Variants in SH3BP5 observed in about 807,000 individuals in gnomAD.
SH3BP5 encodes the protein SH3 domain binding protein 5.
Under a neutral mutation model 43.3 loss-of-function variants are expected in SH3BP5, and 22 were observed. The ratio of observed to expected loss-of-function variants is 0.51; its 90% CI spans 0.36 to 0.73. The LOEUF is 0.73. Ranked by LOEUF, SH3BP5 falls within the 30% of genes least tolerant of loss-of-function variation. SH3BP5 has a pLI of 0.00. For missense variants in SH3BP5, 529 were observed against 586.9 expected (o/e 0.90, Z 1.02); for synonymous variants, 255 against 225.8 (o/e 1.13, Z -1.16).
At position 15,260,016 on chromosome 3, in the gene SH3BP5, A is replaced by G. The variant is rs183945172; in HGVS notation, c.627-213T>C. ...AACGACTGGGCTCACCCAGGGCTAT[A>G]TTAACAGGAGGCCCATCTCAAGACA... On this transcript the variant is annotated intron_variant, in intron 5 of 8. Transcript: ENST00000383791. 908 of 593,120 alleles carry G rather than the reference A, an allele frequency of 1.5e-3. 7 individuals are homozygous for G. The African/African-American group carries it at 0.016, about 10-fold the overall frequency. 36.7% of individuals were successfully genotyped at this position (593,120 alleles called of 1,614,324 possible).
chr3:15,273,249 G>A (rs1221900317), intron 3 of SH3BP5: 1 of 985,234 alleles, frequency 1.0e-6, no homozygotes. Flanking sequence ...TCTTCTCCCA[G>A]TTCTCTCTGC....
At chr3:15,273,471 G>A (rs780537106) in intron 3 of SH3BP5, 31 of 907,714 alleles carry the variant, frequency 3.4e-5, no homozygotes, top group East Asian at 1.2e-4. Flanking sequence ...GTCAAATTCC[G>A]GACAAGCGTC....
At chr3:15,333,005 G>T, upstream of SH3BP5, 1 of 789,172 alleles carries the variant, frequency 1.3e-6, no homozygotes, top group Non-Finnish European at 1.5e-6. Context: ...AATGGCGGAG[G>T]TTCCGTGCAC....
In SH3BP5 at chr3:15,258,313, G is replaced by C. The variant is rs1284235098; in HGVS notation, c.889+518C>G. On this transcript the variant is annotated intron_variant, in intron 7 of 8. Transcript: ENST00000383791. ...CTGGGAAAAGAGGTCTCTATGGTCA[G>C]ATGTCAGTAAGAGCCACCATTTGCT... is the stretch of plus-strand genomic sequence containing the variant. The C allele has an allele frequency of 2.6e-5, 4 of 152,530 alleles. No homozygotes were observed. In the East Asian group the frequency reaches 5.8e-4, roughly 22 times the overall value. 9.4% of individuals were successfully genotyped at this position (152,530 alleles called of 1,614,324 possible).
At chr3:15,288,817 G>A (rs1224508901) in intron 3 of SH3BP5, among the ~76,000 whole-genome samples, 1 of 152,188 alleles carries the variant, frequency 6.6e-6, no homozygotes, top group Non-Finnish European at 1.5e-5. Context: ...CCAAAAAAGT[G>A]ACAATGAGAA....
chr3:15,259,012 C>G lies in SH3BP5; in HGVS notation c.708G>C (p.Leu236=). Residue 236 remains leucine (L), a synonymous_variant, in exon 7 of 9, where the codon CTG becomes CTC. Coordinates refer to ENST00000383791, the MANE Select transcript of SH3BP5 (RefSeq NM_004844.5). ...TCTTGTACTCGCCTTTTGCCAGGGT[C>G]AGTTTGGCCTGCAGGTCATCCACAG... ...KKTVDDLQAK[L]TLAKGEYKMA... 6.2e-7 allele frequency: 1 copy of G among 1,614,214 alleles called. No homozygotes were observed. The highest frequency in any genetic ancestry group is 8.5e-7 in the Non-Finnish European group (1 of 1,180,036).
At chr3:15,264,405 G>A (rs370009432) in intron 4 of SH3BP5, 2 of 151,960 alleles carry the variant, frequency 1.3e-5, no homozygotes, top group South Asian at 4.1e-4. Flanking sequence ...TTTTCTATGA[G>A]TTTGTATTTT....
Position 15,320,904 on chromosome 3 carries a change from T to G in SH3BP5, c.201+9600A>C, listed in dbSNP as rs1184210101. Among the ~76,000 whole-genome samples, 5 of 152,252 alleles carry G rather than the reference T, an allele frequency of 3.3e-5. No individual in the cohort carries two copies. The East Asian group carries it at 9.7e-4, about 29-fold the overall frequency. Reference sequence around the variant, plus strand: ...GTAGGAAAGTCGGCGTGTACTGCAATAGCAAGCACTTATGATCCTGCCATG... The same window carrying G: ...GTAGGAAAGTCGGCGTGTACTGCAAGAGCAAGCACTTATGATCCTGCCATG... On this transcript the variant is annotated intron_variant, in intron 2 of 8. Coordinates refer to ENST00000383791, the MANE Select transcript of SH3BP5 (RefSeq NM_004844.5).
At chr3:15,307,981 G>A (rs746705450) in intron 2 of SH3BP5, among the ~76,000 whole-genome samples, 45 of 152,214 alleles carry the variant, frequency 3.0e-4, no homozygotes, top group Admixed American at 1.4e-3. Flanking sequence ...TGTAGTAAAC[G>A]TCAGGGAAAA....
At chr3:15,272,566 CATTACAAAACA>C (rs1696838098) in intron 3 of SH3BP5, among the ~76,000 whole-genome samples, 1 of 111,290 alleles carries the variant, frequency 9.0e-6, no homozygotes, top group African/African-American at 6.9e-5. Flanking sequence ...AGGATAAAGA[CATTACAAAACA>C]GAGTGCCTGT....
At chr3:15,269,436 C>A (rs1696734953) in intron 4 of SH3BP5, among the ~76,000 whole-genome samples, 1 of 152,126 alleles carries the variant, frequency 6.6e-6, no homozygotes, top group Non-Finnish European at 1.5e-5. Context: ...AAGCCTGAGT[C>A]CAGTCAAGAC....
intron 3 of SH3BP5, among the ~76,000 whole-genome samples, chr3:15,299,784 T>C (rs1255116602): frequency 6.6e-6 from 1 of 151,332 alleles, no homozygotes; most frequent in Non-Finnish European, 1.5e-5. Flanking sequence ...TTAAGTACCC[T>C]CAACTGAGAC....
chr3:15,335,625 T>G (rs1698692748), upstream of SH3BP5, among the ~76,000 whole-genome samples: 1 of 152,112 alleles, frequency 6.6e-6, no homozygotes, highest in Non-Finnish European at 1.5e-5. Context: ...TACAGGAGGT[T>G]GTATGTAGGT....
chr3:15,263,839 CAG>C (rs559281716), intron 4 of SH3BP5, among the ~76,000 whole-genome samples: 15 of 152,190 alleles, frequency 9.9e-5, no homozygotes, highest in Non-Finnish European at 2.2e-4. Context: ...GCCTACCACT[CAG>C]TGTTATAAAA....
Position 15,255,908 on chromosome 3 carries a change from C to G in SH3BP5, c.*178G>C. ...CAACAAGAACTCTGCTCTGAAAAAC[C>G]AGCCCAAGAGCTCTTACCCAGAAGA... On this transcript the variant is annotated 3_prime_UTR_variant, in exon 9 of 9. Coordinates refer to ENST00000383791, the MANE Select transcript of SH3BP5 (RefSeq NM_004844.5). 1 of 619,144 alleles carries G rather than the reference C, an allele frequency of 1.6e-6. No homozygotes were observed. Among genetic ancestry groups the G allele is most frequent in the South Asian group, 2.0e-5 (1 of 50,012 alleles). 38.4% of individuals were successfully genotyped at this position (619,144 alleles called of 1,614,324 possible).
intron 3 of SH3BP5, among the ~76,000 whole-genome samples, chr3:15,292,157 C>A (rs1697429868): frequency 6.6e-6 from 1 of 152,218 alleles, no homozygotes; most frequent in African/African-American, 2.4e-5. Flanking sequence ...AGGGGCTATC[C>A]ATGTCCATGC....
intron 7 of SH3BP5, 173 bp downstream of exon 7, chr3:15,258,658 G>T (rs539460390): frequency 1.7e-6 from 1 of 604,440 alleles, no homozygotes; most frequent in Non-Finnish European, 2.9e-6. Context: ...GGAACACTTA[G>T]TACCTTCTTA....
At position 15,304,117 on chromosome 3, in the gene SH3BP5, T is replaced by G. The variant is rs1316579810; in HGVS notation, c.316A>C (p.Arg106=). Residue 106 remains arginine, a synonymous_variant, in exon 3 of 9, where the codon AGG becomes CGG. Transcript: ENST00000383791. The part of the protein sequence containing the change: ...EDSKPYWEAR[R]VARQAQLEAQ... ...GGCTATCTTACCTGCCTCGCCACCC[T>G]CCGTGCCTCCCAGTAGGGCTTGGAG... 1 of 1,614,124 alleles carries G rather than the reference T, an allele frequency of 6.2e-7. No homozygotes were observed. The highest frequency in any genetic ancestry group is 8.5e-7 in the Non-Finnish European group (1 of 1,180,010).
chr3:15,322,358 T>A (rs1698351982), intron 2 of SH3BP5, among the ~76,000 whole-genome samples: 1 of 152,174 alleles, frequency 6.6e-6, no homozygotes, highest in Non-Finnish European at 1.5e-5. Context: ...TTTGTCCATA[T>A]CCACACATCA....
Sources: allele counts gnomAD v4.1 joint callset (sites outside exome capture counted in the v4.1 genomes callset), GRCh38; gene constraint gnomAD v4.1.1; transcripts MANE v1.5; gene names NCBI Gene and HGNC (gene_info 2026-07-23, HGNC 2026-07-21).